BCAS4: variants seen among roughly 807,000 people sequenced by gnomAD.
The protein encoded by BCAS4 is breast carcinoma-amplified sequence 4.
BCAS4 carries 9 observed loss-of-function variants against 15.7 expected under a neutral mutation model. That is an observed-to-expected ratio of 0.57 (90% confidence interval 0.34 to 1.00). The LOEUF is 1.00. Ranked by LOEUF, BCAS4 falls within the 50% of genes least tolerant of loss-of-function variation. BCAS4 has a pLI of 0.02. For synonymous variants in BCAS4, 101 were observed against 99.5 expected, an observed-to-expected ratio of 1.02 and a Z score of -0.09; for missense variants, 225 against 239.1, an observed-to-expected ratio of 0.94 and a Z score of 0.39.
intron 2 of BCAS4, among the ~76,000 whole-genome samples, chr20:50,828,665 G>C (rs181633474): frequency 6.6e-6 from 1 of 152,262 alleles, no homozygotes; most frequent in Non-Finnish European, 1.5e-5. Flanking sequence ...TGTGGTCCCA[G>C]CTACTCGGGA....
rs762499632 is a variant in BCAS4 at position 50,831,554 on chromosome 20, T to C, written c.264+1174T>C. Among the ~76,000 whole-genome samples the C allele has an allele frequency of 7.9e-5, 12 of 152,204 alleles. No homozygotes were observed. The East Asian group carries it at 1.5e-3, about 20-fold the overall frequency. ...CCATCTTTTACTTGCCTGGCTAAGA[T>C]GCATGGCATCTCATTTCCTCCTTGT... On this transcript the variant is annotated intron_variant, in intron 3 of 4. Transcript: ENST00000371608.
At position 50,803,233 on chromosome 20, in the gene BCAS4, G is replaced by A. The variant is rs143147569; in HGVS notation, c.90+8060G>A. ...GAAATAGCCCAGTGCCCATCAGTGC[G>A]GGCCAGTGCCATAGCGATTCTTCTG... is the stretch of plus-strand genomic sequence containing the variant. On this transcript the variant is annotated intron_variant, in intron 1 of 4. Transcript: ENST00000371608. Among the ~76,000 whole-genome samples the A allele has an allele frequency of 2.2e-3, 341 of 152,318 alleles. 2 individuals carry two copies. Among genetic ancestry groups the A allele is most frequent in the African/African-American group, 7.8e-3 (326 of 41,576 alleles).
intron 1 of BCAS4, 53 bp downstream of exon 1, chr20:50,795,226 C>T (rs956848860): frequency 1.5e-6 from 2 of 1,296,088 alleles, no homozygotes; most frequent in Non-Finnish European, 2.0e-6. Context: ...GTTAGGGGTC[C>T]GGGCTCCGGA....
At chr20:50,882,567 G>A in the BCAS4 span, 1 of 152,152 alleles carries the variant, frequency 6.6e-6, no homozygotes, top group East Asian at 1.9e-4. Context: ...TGGGGTGAGA[G>A]GTATCCTTTT....
Position 50,851,723 on chromosome 20 carries a change from G to A in BCAS4, c.399+9823G>A, listed in dbSNP as rs745668240. 1.2e-4 allele frequency among the ~76,000 whole-genome samples: 18 copies of A among 152,070 alleles called. No homozygotes were observed. Among genetic ancestry groups the A allele is most frequent in the East Asian group, 1.9e-4 (1 of 5,180 alleles). The stretch of plus-strand genomic sequence containing the variant: ...CCTGGGGTTGTTGGACATTGTTTGC[G>A]GCCTTTGCACATGCCGGTTCCCCTC... On this transcript the variant is annotated intron_variant, in intron 4 of 4. Transcript: ENST00000371608. This position sits in a 1 kb window ranked among gnomAD's most constrained non-coding sequence, Gnocchi z 4.3.
rs146427021 is a variant in BCAS4 at position 50,850,378 on chromosome 20, C to G, written c.399+8478C>G. On this transcript the variant is annotated intron_variant, in intron 4 of 4. Coordinates refer to ENST00000371608, the MANE Select transcript of BCAS4 (RefSeq NM_198799.4). ...TTGATCCAGCTTTGACCTTGGTCAG[C>G]TGGTCAGGTGTGTCTCTACCTCCCT... Among the ~76,000 whole-genome samples the G allele has an allele frequency of 2.3e-3, 344 of 152,324 alleles. 1 individual carries two copies. Among genetic ancestry groups the G allele is most frequent in the Non-Finnish European group, 4.2e-3 (288 of 68,036 alleles).
At chr20:50,859,217 C>T (rs1978938060) in intron 4 of BCAS4, among the ~76,000 whole-genome samples, 4 of 152,176 alleles carry the variant, frequency 2.6e-5, no homozygotes, top group Admixed American at 6.5e-5. Context: ...GCTGAGATTA[C>T]AGGCTTGAGC....
chr20:50,840,302 T>C (rs1405231497), intron 3 of BCAS4, among the ~76,000 whole-genome samples: 2 of 152,214 alleles, frequency 1.3e-5, no homozygotes, highest in Admixed American at 6.5e-5. Context: ...AAAATGGCAC[T>C]CTGATTAAAC....
In BCAS4 at chr20:50,795,129, G is replaced by T; in HGVS notation, c.46G>T (p.Ala16Ser). 6.7e-7 allele frequency: 1 copy of T among 1,483,498 alleles called. No homozygotes were observed. 91.9% of individuals were successfully genotyped at this position (1,483,498 alleles called of 1,614,324 possible). ...ADQPEPMRSG[A>S]RELALFLTPE... ...TCAGCCGGAGCCCATGCGCAGCGGG[G>T]CGCGCGAGCTCGCGCTCTTCCTGAC... The change falls in exon 1 of 5, where the codon GCG (alanine) becomes TCG (serine). Residue 16 changes from alanine (A) to serine (S), a missense_variant. Coordinates refer to ENST00000371608, the MANE Select transcript of BCAS4 (RefSeq NM_198799.4).
chr20:50,880,329 C>G (rs1724695507), downstream of BCAS4: 2 of 152,248 alleles, frequency 1.3e-5, no homozygotes, highest in Admixed American at 1.3e-4. Flanking sequence ...CTGAGCGGCT[C>G]CACTGTCCCT....
chr20:50,800,648 G>A (rs1472305121), intron 1 of BCAS4, among the ~76,000 whole-genome samples: 3 of 136,224 alleles, frequency 2.2e-5, no homozygotes, highest in South Asian at 2.4e-4. Context: ...TGCAACCTCC[G>A]CCTCCTGGGT....
intron 3 of BCAS4, among the ~76,000 whole-genome samples, chr20:50,835,523 C>T (rs188098381): frequency 1.1e-3 from 172 of 152,222 alleles, no homozygotes; most frequent in Admixed American, 9.4e-3. Context: ...GGATTACAGG[C>T]GTGAGCCACC....
downstream of BCAS4, chr20:50,877,671 G>GTGATTGTT (rs1404067811): frequency 1.3e-5 from 2 of 151,928 alleles, no homozygotes; most frequent in African/African-American, 4.8e-5. Flanking sequence ...GCAGTGAGCC[G>GTGATTGTT]TGATTGTTCT....
At position 50,840,682 on chromosome 20, in the gene BCAS4, G is replaced by A. The variant is rs560856363; in HGVS notation, c.265-1084G>A. 7.4e-5 allele frequency: 119 copies of A among 1,613,098 alleles called. 1 individual carries two copies. The Middle Eastern group carries it at 4.0e-3, about 55-fold the overall frequency. ...GGAAGGCAGTGGATTTTTCTCTTGC[G>A]TCTCTGTCTTCTTCAGTTTCGACTT... On this transcript the variant is annotated intron_variant, in intron 3 of 4. Transcript: ENST00000371608.
intron 4 of BCAS4, among the ~76,000 whole-genome samples, chr20:50,842,929 C>T (rs937140739): frequency 6.6e-6 from 1 of 152,170 alleles, no homozygotes; most frequent in African/African-American, 2.4e-5. Flanking sequence ...CTGTCCACAC[C>T]TTATCTCCAC....
chr20:50,873,695 A>T (rs941647337), intron 4 of BCAS4, among the ~76,000 whole-genome samples: 4 of 152,182 alleles, frequency 2.6e-5, no homozygotes, highest in Non-Finnish European at 4.4e-5. Context: ...TGACCCACAG[A>T]GGCAGGGGCA....
At chr20:50,870,796 C>T (rs570141697) in intron 4 of BCAS4, among the ~76,000 whole-genome samples, 1 of 152,372 alleles carries the variant, frequency 6.6e-6, no homozygotes, top group East Asian at 1.9e-4. Context: ...CTCAGGTGCG[C>T]AGGGTGGACG....
At chr20:50,833,810 C>T (rs1327214247) in intron 3 of BCAS4, among the ~76,000 whole-genome samples, 1 of 152,130 alleles carries the variant, frequency 6.6e-6, no homozygotes, top group Non-Finnish European at 1.5e-5. Context: ...GTCGGCTTCC[C>T]TGCAGGTGGT....
In BCAS4 at chr20:50,830,396, C is replaced by A; in HGVS notation, c.264+16C>A. The A allele has an allele frequency of 6.2e-7, 1 of 1,600,710 alleles. No individual in the cohort carries two copies. The highest frequency in any genetic ancestry group is 1.7e-5 in the Admixed American group (1 of 58,168). ...CCGGCTAGAGGTACGTCTAGGCAAA[C>A]GAAGGTTCTGAGGCTGTGGACTTGA... is the stretch of plus-strand genomic sequence containing the variant. On this transcript the variant is annotated intron_variant, in intron 3 of 4. Coordinates refer to ENST00000371608, the MANE Select transcript of BCAS4 (RefSeq NM_198799.4).
Sources: allele counts gnomAD v4.1 joint callset (sites outside exome capture counted in the v4.1 genomes callset), GRCh38; gene constraint gnomAD v4.1.1; non-coding constraint Gnocchi (gnomAD v3.1); transcripts MANE v1.5; gene names NCBI Gene and HGNC (gene_info 2026-07-23, HGNC 2026-07-21).